The following CSMD3 variants were observed in gnomAD, a reference collection of about 807,000 sequenced individuals.
CSMD3 encodes the protein CUB and sushi domain-containing protein 3.
CSMD3 carries 177 observed loss-of-function variants against 435.2 expected under a neutral mutation model. The observed-to-expected ratio is 0.41, with a 90% CI of 0.36 to 0.46. CSMD3 has a LOEUF of 0.46. Ranked by LOEUF, CSMD3 falls within the 20% of genes least tolerant of loss-of-function variation. The probability of loss-of-function intolerance (pLI) is 0.34; values close to 1 mark genes in which losing one functional copy is unlikely to be tolerated. For missense variants in CSMD3, 4,265 were observed against 4,504.6 expected (o/e 0.95, Z 1.52); for synonymous variants, 1,656 against 1,520.5 (o/e 1.09, Z -2.07).
Position 112,868,210 on chromosome 8 carries a change from A to G in CSMD3, c.1634-8944T>C, listed in dbSNP as rs1038976820. Among the ~76,000 whole-genome samples the G allele has an allele frequency of 3.9e-5, 6 of 152,090 alleles. No individual in the cohort carries two copies. In the East Asian group the frequency reaches 1.2e-3, roughly 29 times the overall value. On this transcript the variant is annotated intron_variant, in intron 10 of 70. Transcript: ENST00000297405. ...CGGACAGATCCTCAGGGGTAATAAT[A>G]CACATGGAGCTGTCATTTTCTAGAT...
At chr8:112,377,350 C>T (rs1329834740) in intron 38 of CSMD3, among the ~76,000 whole-genome samples, 1 of 151,974 alleles carries the variant, frequency 6.6e-6, no homozygotes, top group Non-Finnish European at 1.5e-5. Context: ...AAGATTGAAT[C>T]AGTTAACAAA....
At chr8:112,978,022 T>C (rs1197087959) in intron 6 of CSMD3, among the ~76,000 whole-genome samples, 1 of 152,096 alleles carries the variant, frequency 6.6e-6, no homozygotes, top group Non-Finnish European at 1.5e-5. Context: ...TGCTCATTAC[T>C]ATGAAACCTG....
intron 6 of CSMD3, among the ~76,000 whole-genome samples, chr8:112,976,967 G>A (rs530145214): frequency 2.6e-5 from 4 of 151,886 alleles, no homozygotes; most frequent in Non-Finnish European, 4.4e-5. Context: ...GTATATGTGC[G>A]CATGTGTGTG....
chr8:112,860,211 G>C (rs967033394), intron 10 of CSMD3, among the ~76,000 whole-genome samples: 3 of 151,664 alleles, frequency 2.0e-5, no homozygotes, highest in African/African-American at 7.3e-5. Flanking sequence ...CACTAAAAGT[G>C]TGTCTTTCTT....
At chr8:112,851,239 T>C (rs2080476861) in intron 11 of CSMD3, among the ~76,000 whole-genome samples, 1 of 152,130 alleles carries the variant, frequency 6.6e-6, no homozygotes, top group Admixed American at 6.6e-5. Context: ...GTAACTTTGA[T>C]TGAAGTCCCC....
intron 32 of CSMD3, among the ~76,000 whole-genome samples, chr8:112,465,228 T>A (rs1044240834): frequency 6.6e-6 from 1 of 152,150 alleles, no homozygotes; most frequent in Admixed American, 6.5e-5. Context: ...TACTGCAACT[T>A]TCATTCTGTC....
At chr8:113,185,627 A>G (rs1207722479) in intron 3 of CSMD3, among the ~76,000 whole-genome samples, 1 of 152,064 alleles carries the variant, frequency 6.6e-6, no homozygotes, top group South Asian at 2.1e-4. Flanking sequence ...TGAGGAGGAT[A>G]TATCTTTGCC....
chr8:112,364,378 G>A (rs1425944432), intron 38 of CSMD3, among the ~76,000 whole-genome samples: 2 of 151,560 alleles, frequency 1.3e-5, no homozygotes, highest in African/African-American at 4.8e-5. Flanking sequence ...CCTTCCTCAG[G>A]GACTACGTCC....
chr8:112,556,144 C>CA (rs1386945284), intron 25 of CSMD3, among the ~76,000 whole-genome samples: 21 of 152,068 alleles, frequency 1.4e-4, no homozygotes, highest in East Asian at 5.8e-4. Context: ...CCACACCTGT[C>CA]AATATTTGTC....
At chr8:113,415,919 C>T (rs752645783) in intron 1 of CSMD3, among the ~76,000 whole-genome samples, 3 of 151,866 alleles carry the variant, frequency 2.0e-5, no homozygotes, top group Non-Finnish European at 4.4e-5. Flanking sequence ...TATGGCCTAC[C>T]GTATTTACAT....
intron 28 of CSMD3, among the ~76,000 whole-genome samples, chr8:112,509,568 G>T (rs745573947): frequency 6.6e-6 from 1 of 152,096 alleles, no homozygotes; most frequent in Non-Finnish European, 1.5e-5. Context: ...CATATCTGTA[G>T]TCATTCTTAA....
intron 19 of CSMD3, among the ~76,000 whole-genome samples, chr8:112,646,320 A>C (rs1404759662): frequency 6.6e-6 from 1 of 152,180 alleles, no homozygotes; most frequent in Non-Finnish European, 1.5e-5. Flanking sequence ...GCAAACTTTC[A>C]GAAAGGACAC....
intron 11 of CSMD3, among the ~76,000 whole-genome samples, chr8:112,846,893 G>A (rs559738274): frequency 1.3e-5 from 2 of 152,186 alleles, no homozygotes; most frequent in Non-Finnish European, 2.9e-5. Flanking sequence ...GTTCACTTAA[G>A]AGGAGGGGAA....
rs2130837578 is a variant in CSMD3 at position 112,314,551 on chromosome 8, T to G, written c.7427A>C (p.Asp2476Ala). The G allele has an allele frequency of 1.2e-6, 2 of 1,612,126 alleles. No homozygotes were observed. Among genetic ancestry groups the G allele is most frequent in the Non-Finnish European group, 1.7e-6 (2 of 1,178,346 alleles). Residue 2476 changes from aspartate to alanine, a missense_variant, in exon 48 of 71, where the codon GAC becomes GCC. This residue lies in a region of CSMD3 where 3,255 missense variants were observed against 3,380.2 expected (regional missense o/e 0.96). Coordinates refer to ENST00000297405, the MANE Select transcript of CSMD3 (RefSeq NM_198123.2). Reference protein sequence around the residue: ...TGVILSPGYPDSYPNLQMCAW... With the variant: ...TGVILSPGYPASYPNLQMCAW... ...ACACATTTGAAGATTTGGGTAACTGTCAGGATATCCAGGGCTCAATATGAC... is the reference window on the plus strand; with the variant it reads ...ACACATTTGAAGATTTGGGTAACTGGCAGGATATCCAGGGCTCAATATGAC...
intron 24 of CSMD3, among the ~76,000 whole-genome samples, chr8:112,570,722 T>A (rs997525133): frequency 6.6e-6 from 1 of 152,140 alleles, no homozygotes; most frequent in Non-Finnish European, 1.5e-5. Flanking sequence ...AACAGATGCA[T>A]CACTATTTCT....
At chr8:112,327,525 T>C (rs1823621825) in intron 45 of CSMD3, among the ~76,000 whole-genome samples, 1 of 152,220 alleles carries the variant, frequency 6.6e-6, no homozygotes, top group Admixed American at 6.5e-5. Flanking sequence ...ATGCTTTTCA[T>C]GGATTGTTCT....
intron 5 of CSMD3, among the ~76,000 whole-genome samples, chr8:113,019,574 G>A (rs1587900509): frequency 6.8e-6 from 1 of 147,522 alleles, no homozygotes; most frequent in East Asian, 2.0e-4. Context: ...TATATATATT[G>A]TATTCTTATT....
At chr8:113,217,517 A>G (rs552185777) in intron 3 of CSMD3, among the ~76,000 whole-genome samples, 3 of 151,904 alleles carry the variant, frequency 2.0e-5, no homozygotes, top group African/African-American at 7.2e-5. Context: ...TAGAGAAATT[A>G]AAGCTATAAA....
intron 11 of CSMD3, among the ~76,000 whole-genome samples, chr8:112,851,229 G>GT (rs1423689997): frequency 1.3e-5 from 2 of 152,090 alleles, no homozygotes; most frequent in Non-Finnish European, 2.9e-5. Context: ...TAGGGACAGC[G>GT]TAACTTTGAT....
Sources: gnomAD v4.1 joint callset for allele counts (sites outside exome capture counted in the v4.1 genomes callset) on GRCh38, gnomAD v4.1.1 for gene constraint, gnomAD v4.1.1 regional missense constraint, MANE v1.5 for transcripts, NCBI Gene and HGNC (gene_info 2026-07-23, HGNC 2026-07-21) for gene names.